TMEM178B: variants seen among roughly 807,000 people sequenced by gnomAD.
The protein encoded by TMEM178B is transmembrane protein 178B.
In TMEM178B, 5 loss-of-function variants were observed where a neutral mutation model predicts 31.0. That is an observed-to-expected ratio of 0.16 (90% confidence interval 0.08 to 0.34). The LOEUF (loss-of-function observed/expected upper bound fraction) is 0.34, where lower values mean the gene tolerates loss of function less well. Among genes scored for constraint, TMEM178B ranks in the 10% least tolerant of loss-of-function variants. TMEM178B has a pLI of 1.00. For synonymous variants in TMEM178B, 164 were observed against 164.0 expected, an observed-to-expected ratio of 1.00 and a Z score of 0.00; for missense variants, 275 against 400.3, an observed-to-expected ratio of 0.69 and a Z score of 2.67.
intron 2 of TMEM178B, among the ~76,000 whole-genome samples, chr7:141,326,920 G>A (rs949899918): frequency 6.6e-6 from 1 of 152,196 alleles, no homozygotes; most frequent in Non-Finnish European, 1.5e-5. Flanking sequence ...TTAGTGGGAT[G>A]AGGAACTGAC....
intron 2 of TMEM178B, among the ~76,000 whole-genome samples, chr7:141,257,695 G>T (rs1470471762): frequency 6.6e-6 from 1 of 152,074 alleles, no homozygotes. Flanking sequence ...AGGCAGCTAG[G>T]CAAGAAGCTC....
At chr7:141,285,177 T>TTC (rs1233859035) in intron 2 of TMEM178B, among the ~76,000 whole-genome samples, 5 of 140,170 alleles carry the variant, frequency 3.6e-5, no homozygotes, top group Admixed American at 7.1e-5. Context: ...TTTTTTTTTT[T>TTC]TGAGACGTAG....
intron 1 of TMEM178B, among the ~76,000 whole-genome samples, chr7:141,189,048 T>C (rs1397112072): frequency 1.3e-5 from 2 of 152,198 alleles, no homozygotes; most frequent in African/African-American, 4.8e-5. Flanking sequence ...GTGGAGCCAG[T>C]GTAGCTCTGA....
intron 1 of TMEM178B, among the ~76,000 whole-genome samples, chr7:141,207,447 G>T (rs1796985104): frequency 6.6e-6 from 1 of 152,124 alleles, no homozygotes; most frequent in Non-Finnish European, 1.5e-5. Context: ...TCGCCAATAT[G>T]ATTTACTTAT....
intron 2 of TMEM178B, among the ~76,000 whole-genome samples, chr7:141,269,890 C>A (rs1367927959): frequency 1.3e-5 from 2 of 152,148 alleles, no homozygotes; most frequent in African/African-American, 2.4e-5. Context: ...CATGGTGAAA[C>A]CCCATCTCTA....
intron 1 of TMEM178B, among the ~76,000 whole-genome samples, chr7:141,094,299 A>G (rs1157091913): frequency 6.6e-6 from 1 of 152,266 alleles, no homozygotes; most frequent in Non-Finnish European, 1.5e-5. Context: ...TACTCACATT[A>G]CAACCTAATG....
chr7:141,182,857 G>A (rs1172055506), intron 1 of TMEM178B, among the ~76,000 whole-genome samples: 5 of 152,134 alleles, frequency 3.3e-5, no homozygotes, highest in Middle Eastern at 3.2e-3. Context: ...GCCTTCCACC[G>A]TTTCCTTAGC....
At chr7:141,317,179 C>T (rs1006277249) in intron 2 of TMEM178B, among the ~76,000 whole-genome samples, 4 of 152,084 alleles carry the variant, frequency 2.6e-5, no homozygotes, top group African/African-American at 9.7e-5. Context: ...GTTAAAGCAG[C>T]CATGGTCAAG....
chr7:141,330,371 T>C (rs927980462), intron 2 of TMEM178B, among the ~76,000 whole-genome samples: 1 of 152,154 alleles, frequency 6.6e-6, no homozygotes, highest in African/African-American at 2.4e-5. Flanking sequence ...TGAGAACATA[T>C]GGTGTTTGGT....
chr7:141,290,485 A>G (rs555652136), intron 2 of TMEM178B, among the ~76,000 whole-genome samples: 1 of 152,244 alleles, frequency 6.6e-6, no homozygotes, highest in African/African-American at 2.4e-5. Context: ...TAATTCTCCA[A>G]CCACTGCCCA....
At chr7:141,324,436 T>G (rs865999880) in intron 2 of TMEM178B, among the ~76,000 whole-genome samples, 6,603 of 121,470 alleles carry the variant, frequency 0.054, 406 homozygotes, top group East Asian at 0.16. Flanking sequence ...TTTTTTTTTT[T>G]TTTTTTTTTT....
intron 1 of TMEM178B, among the ~76,000 whole-genome samples, chr7:141,150,670 C>A (rs527957001): frequency 1.3e-5 from 2 of 152,358 alleles, no homozygotes; most frequent in South Asian, 4.1e-4. Context: ...CAGCTGACAG[C>A]TGGGGCTGAG....
intron 2 of TMEM178B, among the ~76,000 whole-genome samples, chr7:141,231,684 C>T (rs540077571): frequency 6.6e-6 from 1 of 152,354 alleles, no homozygotes; most frequent in Non-Finnish European, 1.5e-5. Flanking sequence ...GGAAACTGCA[C>T]AGTGGCATGG....
intron 2 of TMEM178B, among the ~76,000 whole-genome samples, chr7:141,313,092 G>T (rs1447563772): frequency 6.6e-6 from 1 of 152,152 alleles, no homozygotes; most frequent in African/African-American, 2.4e-5. Flanking sequence ...CTGACACAAA[G>T]GTTGGAAGGT....
chr7:141,089,384 A>G lies in TMEM178B; in HGVS notation c.382+14692A>G, dbSNP rs1794841797. On this transcript the variant is annotated intron_variant, in intron 1 of 3. Coordinates refer to ENST00000565468, the MANE Select transcript of TMEM178B (RefSeq NM_001195278.2). ...TCATGAGCAAAGGCTCCCAAGGGAT[A>G]AATAGGAACACTTTTACACTGTTGA... 2.0e-5 allele frequency among the ~76,000 whole-genome samples: 3 copies of G among 152,222 alleles called. No homozygotes were observed. The South Asian group carries it at 6.2e-4, about 32-fold the overall frequency.
the TMEM178B span, among the ~76,000 whole-genome samples, chr7:141,506,275 T>C: frequency 6.6e-6 from 1 of 152,372 alleles, no homozygotes; most frequent in Middle Eastern, 3.4e-3. Flanking sequence ...CAATGCCTGC[T>C]GATTTGAGAG....
chr7:141,191,198 C>T (rs1164808177), intron 1 of TMEM178B, among the ~76,000 whole-genome samples: 1 of 152,152 alleles, frequency 6.6e-6, no homozygotes, highest in African/African-American at 2.4e-5. Flanking sequence ...TCTAAAGCGT[C>T]TTGTCTATTT....
At chr7:141,363,498 T>C (rs1586913762) in intron 2 of TMEM178B, among the ~76,000 whole-genome samples, 1 of 152,180 alleles carries the variant, frequency 6.6e-6, no homozygotes, top group South Asian at 2.1e-4. Flanking sequence ...AGTGAAGTGA[T>C]TGGCCAGGGT....
intron 1 of TMEM178B, among the ~76,000 whole-genome samples, chr7:141,097,257 T>C (rs2129173038): frequency 6.7e-6 from 1 of 150,356 alleles, no homozygotes; most frequent in African/African-American, 2.4e-5. Context: ...TAGTCCCAGC[T>C]ACTCGGGAGG....
Sources: allele counts gnomAD v4.1 joint callset (sites outside exome capture counted in the v4.1 genomes callset), GRCh38; gene constraint gnomAD v4.1.1; transcripts MANE v1.5; gene names NCBI Gene and HGNC (gene_info 2026-07-23, HGNC 2026-07-21).